Variants in KCNC4 observed in about 807,000 individuals in gnomAD.
KCNC4 encodes potassium voltage-gated channel subfamily C member 4, also known as voltage-gated potassium channel KCNC4.
Under a neutral mutation model 42.8 loss-of-function variants are expected in KCNC4, and 23 were observed. The ratio of observed to expected loss-of-function variants is 0.54; its 90% CI spans 0.39 to 0.76. KCNC4 has a LOEUF of 0.76. KCNC4 is among the 30% of genes least tolerant of loss of function. The probability of loss-of-function intolerance (pLI) is 0.00; values close to 1 mark genes in which losing one functional copy is unlikely to be tolerated. For synonymous variants in KCNC4, 422 were observed against 393.5 expected, an observed-to-expected ratio of 1.07 and a Z score of -0.86; for missense variants, 751 against 898.2, an observed-to-expected ratio of 0.84 and a Z score of 2.10.
chr1:110,218,246 C>A (rs943902412), intron 1 of KCNC4, among the ~76,000 whole-genome samples: 3 of 152,144 alleles, frequency 2.0e-5, no homozygotes, highest in African/African-American at 7.2e-5. Context: ...TTACAAGTAT[C>A]ATTTCTTTGC....
At chr1:110,212,991 T>G (rs1657577471) in intron 1 of KCNC4, among the ~76,000 whole-genome samples, 1 of 151,886 alleles carries the variant, frequency 6.6e-6, no homozygotes, top group Admixed American at 6.6e-5. Context: ...GCACAAACTG[T>G]CTTTCCAGAA....
intron 1 of KCNC4, among the ~76,000 whole-genome samples, chr1:110,217,277 A>G (rs1657849048): frequency 6.6e-6 from 1 of 152,234 alleles, no homozygotes; most frequent in South Asian, 2.1e-4. Flanking sequence ...ACGTGGGATG[A>G]GGTGTAGGAG....
chr1:110,239,792 G>C (rs961110903), exon 4 of KCNC4: 4 of 152,332 alleles, frequency 2.6e-5, no homozygotes, highest in African/African-American at 7.2e-5. Context: ...GCCTTGGAGA[G>C]AGAGTTCCCA....
At chr1:110,254,355 G>T (rs1328227640) in intron 1 of KCNC4, among the ~76,000 whole-genome samples, 1 of 152,158 alleles carries the variant, frequency 6.6e-6, no homozygotes, top group African/African-American at 2.4e-5. Flanking sequence ...GGATGGTCAG[G>T]GTCACTGTGG....
intron 3 of KCNC4, among the ~76,000 whole-genome samples, chr1:110,229,371 C>G (rs187730190): frequency 6.6e-6 from 1 of 152,272 alleles, no homozygotes; most frequent in East Asian, 1.9e-4. Flanking sequence ...AGGCCGTGGG[C>G]GGGCTGCCTA....
intron 1 of KCNC4, among the ~76,000 whole-genome samples, chr1:110,269,979 A>G (rs1334900141): frequency 6.6e-6 from 1 of 152,164 alleles, no homozygotes; most frequent in Non-Finnish European, 1.5e-5. Flanking sequence ...GGATTTGTTT[A>G]TTTCTATATT....
downstream of KCNC4, among the ~76,000 whole-genome samples, chr1:110,252,744 A>G (rs965466133): frequency 3.3e-5 from 5 of 152,196 alleles, no homozygotes; most frequent in Non-Finnish European, 5.9e-5. Context: ...TCTCCACTCT[A>G]AAAATGAGAA....
At chr1:110,266,738 C>G (rs907525763) in intron 1 of KCNC4, among the ~76,000 whole-genome samples, 3 of 152,130 alleles carry the variant, frequency 2.0e-5, no homozygotes, top group Non-Finnish European at 4.4e-5. Context: ...CCCCCTTGCT[C>G]TTTGTATGGG....
rs1480054913 is a variant in KCNC4, at chr1:110,210,830, G to A, written c.-670G>A. On this transcript the variant is annotated 5_prime_UTR_variant, in exon 1 of 4. Coordinates refer to ENST00000438661, the MANE Select transcript of KCNC4 (RefSeq NM_001039574.3). ...CGCCCTGCGCAGCCCCCGCCCGCCC[G>A]GCCGCCGCTCTCTGCTCTGCCCCGC... is the stretch of plus-strand genomic sequence containing the variant. Among the ~76,000 whole-genome samples the A allele has an allele frequency of 2.6e-5, 4 of 152,052 alleles. No individual in the cohort carries two copies. Among genetic ancestry groups the A allele is most frequent in the Admixed American group, 2.6e-4 (4 of 15,276 alleles).
In KCNC4 at chr1:110,211,176, C is replaced by T. The variant is rs555322078; in HGVS notation, c.-324C>T. 6.6e-6 allele frequency among the ~76,000 whole-genome samples: 1 copy of T among 152,322 alleles called. No homozygotes were observed. The highest frequency in any genetic ancestry group is 2.1e-4 in the South Asian group (1 of 4,828). On this transcript the variant is annotated 5_prime_UTR_variant, in exon 1 of 4. Transcript: ENST00000438661. The surrounding 1 kb of genome is among the most constrained non-coding windows in gnomAD (Gnocchi z 6.5). ...TCGGGGTGAAGGCGGGGGCGTGTCC[C>T]CGGCCCAGAGCGTTTGTGTGTCCCG...
At chr1:110,225,202 A>G (rs1289626534) in intron 2 of KCNC4, 2 of 152,266 alleles carry the variant, frequency 1.3e-5, no homozygotes, top group Non-Finnish European at 2.9e-5. Context: ...CTGTGGCCCT[A>G]TCAGCCTTGC....
intron 1 of KCNC4, among the ~76,000 whole-genome samples, chr1:110,257,247 T>C (rs918543194): frequency 6.6e-6 from 1 of 152,232 alleles, no homozygotes; most frequent in African/African-American, 2.4e-5. Flanking sequence ...GACTCTTCAA[T>C]TGAATTACAC....
At chr1:110,262,248 A>T (rs1162358782) in intron 1 of KCNC4, among the ~76,000 whole-genome samples, 4 of 152,246 alleles carry the variant, frequency 2.6e-5, no homozygotes, top group Non-Finnish European at 5.9e-5. Flanking sequence ...TATAGCAATT[A>T]TGTGATGCTT....
downstream of KCNC4, chr1:110,236,924 T>G (rs952180453): frequency 5.3e-5 from 8 of 152,216 alleles, no homozygotes; most frequent in East Asian, 1.3e-3. Context: ...TAAAAAATCT[T>G]TTTTTAATGA....
chr1:110,232,191 A>G (rs778240409), intron 3 of KCNC4: 5 of 1,609,880 alleles, frequency 3.1e-6, no homozygotes, highest in African/African-American at 1.3e-5. Flanking sequence ...TCAATAAGGT[A>G]CTATTTCCTG....
intron 1 of KCNC4, among the ~76,000 whole-genome samples, chr1:110,217,812 C>G (rs868617467): frequency 6.6e-6 from 1 of 152,124 alleles, no homozygotes; most frequent in Non-Finnish European, 1.5e-5. Flanking sequence ...GGCCTTAGTG[C>G]GGGCCCTCAA....
At chr1:110,224,052 C>T (rs372719409) in intron 2 of KCNC4, 152 bp downstream of exon 2, 84 of 645,470 alleles carry the variant, frequency 1.3e-4, no homozygotes, top group Non-Finnish European at 2.1e-4. Context: ...GTGTTGAGGC[C>T]GAATTTCTCT....
At chr1:110,261,115 A>G (rs1328583075) in intron 1 of KCNC4, among the ~76,000 whole-genome samples, 3 of 151,882 alleles carry the variant, frequency 2.0e-5, no homozygotes, top group Non-Finnish European at 4.4e-5. Context: ...AACTTTCTCA[A>G]TTTTTTCATT....
downstream of KCNC4, chr1:110,249,269 G>A (rs1019430756): frequency 1.3e-5 from 2 of 152,136 alleles, no homozygotes; most frequent in South Asian, 4.1e-4. Flanking sequence ...AAATTCTTTC[G>A]GTCCTGCATC....
Sources: gnomAD v4.1 joint callset for allele counts (sites outside exome capture counted in the v4.1 genomes callset) on GRCh38, gnomAD v4.1.1 for gene constraint, Gnocchi (gnomAD v3.1) non-coding constraint, MANE v1.5 for transcripts, NCBI Gene and HGNC (gene_info 2026-07-23, HGNC 2026-07-21) for gene names.